Variants in PIR observed in about 807,000 individuals in gnomAD.
PIR encodes pirin (iron-binding nuclear protein).
A neutral mutation model predicts 24.2 loss-of-function variants in PIR; 22 were observed. The ratio of observed to expected loss-of-function variants is 0.91; its 90% confidence interval spans 0.65 to 1.30. PIR has a LOEUF of 1.30. Ranked by LOEUF, PIR falls within the 50% of genes most tolerant of loss-of-function variation. The probability of loss-of-function intolerance (pLI) is 0.00; values close to 1 mark genes in which losing one functional copy is unlikely to be tolerated. For missense variants in PIR, 220 were observed against 220.3 expected, an observed-to-expected ratio of 1.00 and a Z score of 0.01; for synonymous variants, 80 against 79.6, an observed-to-expected ratio of 1.00 and a Z score of -0.03.
chrX:15,394,049 C>A (rs1215662352), intron 8 of PIR, among the ~76,000 whole-genome samples: 1 of 110,816 alleles, frequency 9.0e-6, no homozygotes, highest in African/African-American at 3.3e-5. Context: ...AGAAATTGGT[C>A]CCTGATGCCA....
chrX:15,447,789 T>C (rs1926159475), intron 5 of PIR, among the ~76,000 whole-genome samples: 1 of 112,057 alleles, frequency 8.9e-6, no homozygotes, highest in Non-Finnish European at 1.9e-5. Context: ...TACTATATCC[T>C]AAAAGGACAA....
At chrX:15,462,534 A>C (rs1043773889) in intron 3 of PIR, among the ~76,000 whole-genome samples, 1 of 112,538 alleles carries the variant, frequency 8.9e-6, no homozygotes, top group South Asian at 3.6e-4. Flanking sequence ...TACATCAGAT[A>C]TTGCTGTTTT....
chrX:15,385,915 A>G (rs1284516569), intron 9 of PIR, among the ~76,000 whole-genome samples: 4 of 112,074 alleles, frequency 3.6e-5, no homozygotes, highest in Non-Finnish European at 7.5e-5. Flanking sequence ...GGATTTTGCT[A>G]AAAATGTACA....
intron 3 of PIR, among the ~76,000 whole-genome samples, chrX:15,470,990 T>C (rs1320165773): frequency 1.8e-5 from 2 of 110,338 alleles, no homozygotes; most frequent in African/African-American, 6.6e-5. Flanking sequence ...GGTTTTTGTT[T>C]GTAATTGCAA....
intron 2 of PIR, among the ~76,000 whole-genome samples, chrX:15,485,478 TAGG>T (rs1934480705): frequency 1.8e-5 from 2 of 111,607 alleles, no homozygotes; most frequent in Non-Finnish European, 3.8e-5. Flanking sequence ...TGATAGGAAT[TAGG>T]AGTAGGGAAG....
chrX:15,479,865 C>A, intron 2 of PIR, 44 bp from the exon 3 acceptor site: 2 of 696,377 alleles, frequency 2.9e-6, no homozygotes, highest in Non-Finnish European at 4.4e-6. Context: ...GTCTTTTAAG[C>A]CATACTACCA....
At chrX:15,483,175 A>ATATATATATATATATAT (rs1569212443) in intron 2 of PIR, among the ~76,000 whole-genome samples, 3 of 51,450 alleles carry the variant, frequency 5.8e-5, no homozygotes, top group African/African-American at 1.4e-4. Context: ...ATATATATAT[A>ATATATATATATATATAT]AATTCAACAA....
At chrX:15,440,811 T>C (rs1428765383) in intron 5 of PIR, among the ~76,000 whole-genome samples, 3 of 111,318 alleles carry the variant, frequency 2.7e-5, no homozygotes, top group Non-Finnish European at 5.6e-5. Flanking sequence ...AACACAAGCA[T>C]AGAACTTTAC....
At chrX:15,419,401 GAGAT>G (rs1310731181) in intron 6 of PIR, among the ~76,000 whole-genome samples, 3 of 106,863 alleles carry the variant, frequency 2.8e-5, no homozygotes, top group South Asian at 4.1e-4. Flanking sequence ...GACAGAGAGA[GAGAT>G]AGGGGAGGGA....
chrX:15,477,550 A>T (rs1922259508), intron 3 of PIR, among the ~76,000 whole-genome samples: 1 of 112,026 alleles, frequency 8.9e-6, no homozygotes, highest in South Asian at 3.7e-4. Context: ...ACCTGAATAA[A>T]GTTTATCTAA....
intron 5 of PIR, among the ~76,000 whole-genome samples, chrX:15,453,470 C>T (rs1920988750): frequency 8.9e-6 from 1 of 111,893 alleles, no homozygotes. Context: ...AGGATTCTAA[C>T]CCAGGCATTC....
rs141918382 is a variant in PIR at position 15,397,652 on chromosome X, G to C, written c.611-121C>G. 3,205 of 456,752 alleles carry C rather than the reference G, an allele frequency of 7.0e-3. 84 individuals are homozygous for C. The highest frequency in any genetic ancestry group is 0.069 in the African/African-American group (2,796 of 40,420). The allele number at this position is 456,752 out of a possible 1,213,427, so 37.6% of individuals were successfully genotyped here. On this transcript the variant is annotated intron_variant, in intron 7 of 9. Coordinates refer to ENST00000380420, the MANE Select transcript of PIR (RefSeq NM_001018109.3). ...TTTAATTTGAGAAATAATGGACTTA[G>C]TAATTCCCTTGAATCTCTTGGTTAA... is the stretch of plus-strand genomic sequence containing the variant.
At chrX:15,491,656 T>C (rs1923170941) in intron 1 of PIR, among the ~76,000 whole-genome samples, 1 of 112,229 alleles carries the variant, frequency 8.9e-6, no homozygotes, top group Non-Finnish European at 1.9e-5. Flanking sequence ...TGTATGACAG[T>C]AGTCCCATAA....
chrX:15,430,398 T>C (rs1213817150), intron 5 of PIR, among the ~76,000 whole-genome samples: 3 of 112,185 alleles, frequency 2.7e-5, no homozygotes, highest in Non-Finnish European at 5.6e-5. Context: ...TAAAATATTA[T>C]GGTTCAAATA....
intron 2 of PIR, among the ~76,000 whole-genome samples, chrX:15,489,723 G>A (rs1923055052): frequency 8.9e-6 from 1 of 112,324 alleles, no homozygotes; most frequent in Admixed American, 9.4e-5. Flanking sequence ...TAACTGGAAA[G>A]AGAAATGGCC....
intron 6 of PIR, among the ~76,000 whole-genome samples, chrX:15,422,892 A>G (rs1925182997): frequency 8.9e-6 from 1 of 111,979 alleles, no homozygotes; most frequent in Admixed American, 9.5e-5. Flanking sequence ...ACAAAGCTGG[A>G]GGCATCACAC....
chrX:15,411,675 TC>T (rs1234148364), intron 6 of PIR, among the ~76,000 whole-genome samples: 1 of 108,117 alleles, frequency 9.2e-6, no homozygotes, highest in African/African-American at 3.4e-5. Flanking sequence ...ACCCGCAACC[TC>T]CCCCCCGCCA....
intron 7 of PIR, among the ~76,000 whole-genome samples, chrX:15,401,975 GAA>G (rs889295838): frequency 2.7e-5 from 3 of 112,310 alleles, no homozygotes; most frequent in Non-Finnish European, 5.6e-5. Context: ...ATTGTTAATT[GAA>G]AAAGACAGTC....
intron 6 of PIR, among the ~76,000 whole-genome samples, chrX:15,425,692 G>A (rs1416166259): frequency 1.8e-5 from 2 of 112,017 alleles, no homozygotes; most frequent in Non-Finnish European, 3.8e-5. Context: ...TTACTGGCGT[G>A]AGCCACCGTG....
Sources: gnomAD v4.1 joint callset for allele counts (sites outside exome capture counted in the v4.1 genomes callset) on GRCh38, gnomAD v4.1.1 for gene constraint, MANE v1.5 for transcripts, NCBI Gene and HGNC (gene_info 2026-07-23, HGNC 2026-07-21) for gene names.